ZNF469: variants seen among roughly 807,000 people sequenced by gnomAD.
ZNF469 encodes zinc finger protein 469.
In ZNF469, 1 loss-of-function variant was observed where a neutral mutation model predicts 1.0. That is an observed-to-expected ratio of 1.00 (90% confidence interval 0.35 to 4.73). The LOEUF is 4.73. Ranked by LOEUF, ZNF469 falls within the 30% of genes most tolerant of loss-of-function variation. The pLI, the probability that ZNF469 is intolerant of heterozygous loss-of-function variation, is 0.16. For synonymous variants in ZNF469, 2,703 were observed against 2,363.4 expected, an observed-to-expected ratio of 1.14 and a Z score of -4.17; for missense variants, 6,100 against 5,356.3, an observed-to-expected ratio of 1.14 and a Z score of -4.33.
At chr16:88,383,818 T>G (rs1480486085) in intron 1 of ZNF469, among the ~76,000 whole-genome samples, 2 of 151,974 alleles carry the variant, frequency 1.3e-5, no homozygotes, top group African/African-American at 4.8e-5. Context: ...GAGCCCACCC[T>G]GGGGGAGACC....
chr16:88,137,136 C>G, the ZNF469 span, among the ~76,000 whole-genome samples: 56 of 152,300 alleles, frequency 3.7e-4, 1 homozygote, highest in African/African-American at 1.3e-3. Flanking sequence ...GCACATACAA[C>G]CGTGCATGCA....
chr16:88,401,960 A>ACG (rs1904890718), intron 1 of ZNF469, among the ~76,000 whole-genome samples: 1 of 35,828 alleles, frequency 2.8e-5, no homozygotes, highest in South Asian at 5.5e-4. Flanking sequence ...GGGAAGATGG[A>ACG]TGGGTGGATG....
Position 88,430,579 on chromosome 16 carries a change from A to G in ZNF469, c.3109A>G (p.Arg1037Gly), listed in dbSNP as rs753720576. Residue 1037 changes from arginine (R) to glycine (G), a missense_variant, in exon 3 of 3, where the codon AGG becomes GGG. Coordinates refer to ENST00000565624, the MANE Select transcript of ZNF469 (RefSeq NM_001367624.2). Reference protein sequence around the residue: ...RRRLPPRKDPRKRKARGGAWG... With the variant: ...RRRLPPRKDPGKRKARGGAWG... ...CCGGCTGCCCCCCAGGAAGGACCCC[A>G]GGAAGAGGAAGGCTCGGGGCGGCGC... The G allele has an allele frequency of 6.7e-7, 1 of 1,498,892 alleles. No homozygotes were observed. Among genetic ancestry groups the G allele is most frequent in the Non-Finnish European group, 8.8e-7 (1 of 1,130,908 alleles). 92.8% of individuals were successfully genotyped at this position (1,498,892 alleles called of 1,614,324 possible).
rs273585621 is a variant in ZNF469 at position 88,432,380 on chromosome 16, G to C, written c.4910G>C (p.Arg1637Pro). 2.6e-6 allele frequency: 4 copies of C among 1,549,098 alleles called. No individual in the cohort carries two copies. Among genetic ancestry groups the C allele is most frequent in the Non-Finnish European group, 3.5e-6 (4 of 1,146,666 alleles). Residue 1637 changes from arginine to proline, a missense_variant, in exon 3 of 3, where the codon CGG becomes CCG. Arg to Pro is a moderately radical substitution (Grantham distance 103). Coordinates refer to ENST00000565624, the MANE Select transcript of ZNF469 (RefSeq NM_001367624.2). ...CGCGTTGGAGAATCCACTGCACATCGGGAGGGTGCGGAATCGGCTGTGGCC... is the reference window on the plus strand; with the variant it reads ...CGCGTTGGAGAATCCACTGCACATCCGGAGGGTGCGGAATCGGCTGTGGCC... ...LTRVGESTAH[R>P]EGAESAVATV...
Position 88,431,347 on chromosome 16 carries a change from T to C in ZNF469, c.3877T>C (p.Ser1293Pro). 1 of 1,549,350 alleles carries C rather than the reference T, an allele frequency of 6.5e-7. No homozygotes were observed. The highest frequency in any genetic ancestry group is 1.2e-5 in the South Asian group (1 of 84,034). ...CGCCAACACGGCGCCCCACGGAAGC[T>C]CGCCAACGCCAGGTGTGGGCAGCCT... Reference protein sequence around the residue: ...SLANTAPHGSSPTPGVGSLLG... With the variant: ...SLANTAPHGSPPTPGVGSLLG... The change falls in exon 3 of 3, where the codon TCG (serine) becomes CCG (proline). Residue 1293 changes from serine (S) to proline (P), a missense_variant. Ser to Pro is a moderately conservative substitution (Grantham distance 74, BLOSUM62 -1). Coordinates refer to ENST00000565624, the MANE Select transcript of ZNF469 (RefSeq NM_001367624.2).
chr16:88,331,851 T>C, the ZNF469 span, among the ~76,000 whole-genome samples: 14 of 152,240 alleles, frequency 9.2e-5, no homozygotes, highest in South Asian at 2.1e-4. Context: ...ACCATCACCA[T>C]TGTTGTCATC....
At chr16:88,296,239 G>A in the ZNF469 span, among the ~76,000 whole-genome samples, 4 of 152,216 alleles carry the variant, frequency 2.6e-5, no homozygotes, top group Admixed American at 6.5e-5. Flanking sequence ...GGGCCAGCCT[G>A]GCGGGGACAT....
the ZNF469 span, among the ~76,000 whole-genome samples, chr16:88,198,626 G>T: frequency 6.6e-6 from 1 of 152,180 alleles, no homozygotes; most frequent in African/African-American, 2.4e-5. Context: ...TGGCGAAGCA[G>T]GTGAGTGCTG....
chr16:88,145,521 G>A, the ZNF469 span, among the ~76,000 whole-genome samples: 6 of 152,376 alleles, frequency 3.9e-5, no homozygotes, highest in Non-Finnish European at 5.9e-5. Flanking sequence ...TGGGTTTGCC[G>A]CTGTTGGTGC....
At chr16:88,221,764 T>C in the ZNF469 span, among the ~76,000 whole-genome samples, 1 of 152,204 alleles carries the variant, frequency 6.6e-6, no homozygotes, top group Admixed American at 6.5e-5. Context: ...TGACTCCTTC[T>C]GGGGTCTCCG....
the ZNF469 span, among the ~76,000 whole-genome samples, chr16:88,368,263 C>G: frequency 6.6e-6 from 1 of 152,200 alleles, no homozygotes; most frequent in African/African-American, 2.4e-5. Context: ...AACCCACGGG[C>G]AGATACTGAG....
the ZNF469 span, among the ~76,000 whole-genome samples, chr16:88,135,748 G>GTTTTATTCTTTTTTTTTTTTTTTTT: frequency 3.0e-5 from 2 of 66,926 alleles, 1 homozygote; most frequent in Non-Finnish European, 6.0e-5. Flanking sequence ...AGCTGGCCAT[G>GTTTTATTCTTTTTTTTTTTTTTTTT]TTTTTTTTTT....
At chr16:88,326,921 A>G in the ZNF469 span, among the ~76,000 whole-genome samples, 36 of 150,072 alleles carry the variant, frequency 2.4e-4, no homozygotes, top group African/African-American at 8.6e-4. Flanking sequence ...CAGGAGCAGC[A>G]CCCCCACCTC....
At position 88,431,679 on chromosome 16, in the gene ZNF469, A is replaced by G. The variant is rs916090607; in HGVS notation, c.4209A>G (p.Ser1403=). The G allele has an allele frequency of 8.4e-6, 13 of 1,550,288 alleles. No individual in the cohort carries two copies. The highest frequency in any genetic ancestry group is 1.1e-5 in the Non-Finnish European group (13 of 1,146,984). Residue 1403 remains serine, a synonymous_variant, in exon 3 of 3, where the codon TCA becomes TCG. Transcript: ENST00000565624. ...CFLEELHPKP[S]ARDAPPASSS... The stretch of plus-strand genomic sequence containing the variant: ...TGGAAGAACTGCACCCCAAGCCCTC[A>G]GCCAGGGATGCCCCGCCGGCCAGCA...
chr16:88,111,018 G>T, the ZNF469 span, among the ~76,000 whole-genome samples: 1 of 152,260 alleles, frequency 6.6e-6, no homozygotes, highest in Admixed American at 6.5e-5. Flanking sequence ...ACGGGCACTC[G>T]TGGCGCTTGC....
the ZNF469 span, among the ~76,000 whole-genome samples, chr16:88,354,192 G>A: frequency 2.6e-5 from 4 of 152,118 alleles, no homozygotes; most frequent in Non-Finnish European, 4.4e-5. Flanking sequence ...TCCCTTCTAC[G>A]GGCAGAAAGT....
chr16:88,185,694 C>T, the ZNF469 span, among the ~76,000 whole-genome samples: 193 of 151,254 alleles, frequency 1.3e-3, no homozygotes, highest in African/African-American at 3.8e-3. Flanking sequence ...CAGACACATT[C>T]GCACACTCAC....
At chr16:88,149,730 G>C in the ZNF469 span, among the ~76,000 whole-genome samples, 1 of 152,162 alleles carries the variant, frequency 6.6e-6, no homozygotes, top group East Asian at 1.9e-4. Flanking sequence ...TTGGGCCTCA[G>C]CTCCTGGCTG....
chr16:88,409,988 G>A (rs1905106710), intron 1 of ZNF469, among the ~76,000 whole-genome samples: 1 of 152,056 alleles, frequency 6.6e-6, no homozygotes, highest in Non-Finnish European at 1.5e-5. Flanking sequence ...GCAGAGCCCA[G>A]GAAGGGGATG....
Sources: allele counts gnomAD v4.1 joint callset (sites outside exome capture counted in the v4.1 genomes callset), GRCh38; gene constraint gnomAD v4.1.1; transcripts MANE v1.5; gene names NCBI Gene and HGNC (gene_info 2026-07-23, HGNC 2026-07-21).